The following TMEM117 variants were observed in gnomAD, a reference collection of about 807,000 sequenced individuals.
TMEM117 encodes transmembrane protein 117.
In TMEM117, 27 loss-of-function variants were observed where a neutral mutation model predicts 52.4. The observed-to-expected ratio is 0.51, with a 90% confidence interval of 0.38 to 0.71. The LOEUF is 0.71. Ranked by LOEUF, TMEM117 falls within the 30% of genes least tolerant of loss-of-function variation. TMEM117 has a pLI of 0.00. For missense variants in TMEM117, 556 were observed against 630.5 expected (o/e 0.88, Z 1.26); for synonymous variants, 215 against 206.3 (o/e 1.04, Z -0.36).
chr12:43,820,536 G>A, the TMEM117 span, among the ~76,000 whole-genome samples: 5 of 149,950 alleles, frequency 3.3e-5, no homozygotes, highest in Non-Finnish European at 7.4e-5. Flanking sequence ...GCCTCCCAAA[G>A]TGCTGGGATT....
At chr12:43,920,474 C>T (rs1944673984) in intron 2 of TMEM117, among the ~76,000 whole-genome samples, 1 of 151,512 alleles carries the variant, frequency 6.6e-6, no homozygotes, top group South Asian at 2.1e-4. Flanking sequence ...GATCACACCA[C>T]TACACTCCAG....
At chr12:44,041,101 T>C (rs542759266) in intron 3 of TMEM117, among the ~76,000 whole-genome samples, 1 of 152,302 alleles carries the variant, frequency 6.6e-6, no homozygotes, top group African/African-American at 2.4e-5. Flanking sequence ...AGTATTCTTT[T>C]TTTAAATTAT....
chr12:43,981,482 C>A (rs1294294712), intron 3 of TMEM117, among the ~76,000 whole-genome samples: 2 of 152,094 alleles, frequency 1.3e-5, no homozygotes, highest in African/African-American at 4.8e-5. Flanking sequence ...CTGTTAGAGC[C>A]ACGTAAAACT....
chr12:44,083,504 G>A (rs1947518396), intron 3 of TMEM117: 1 of 149,632 alleles, frequency 6.7e-6, no homozygotes, highest in Non-Finnish European at 1.5e-5. Context: ...TGGGCTCAAG[G>A]TATCACTCCT....
intron 6 of TMEM117, among the ~76,000 whole-genome samples, chr12:44,362,962 C>G (rs1030763302): frequency 6.6e-6 from 1 of 152,012 alleles, no homozygotes; most frequent in African/African-American, 2.4e-5. Flanking sequence ...AAGTGATTCT[C>G]CATCCTCAGC....
upstream of TMEM117, among the ~76,000 whole-genome samples, chr12:43,831,507 G>A (rs1942981987): frequency 6.6e-6 from 1 of 150,632 alleles, no homozygotes; most frequent in Non-Finnish European, 1.5e-5. Flanking sequence ...GACATGTGAG[G>A]TGAACGGAAA....
chr12:44,192,014 G>A (rs2138345156), intron 4 of TMEM117, among the ~76,000 whole-genome samples: 1 of 152,266 alleles, frequency 6.6e-6, no homozygotes, highest in South Asian at 2.1e-4. Flanking sequence ...ACCAGAGTCA[G>A]CTTTAAGCAT....
chr12:44,154,958 T>C (rs1447783764), intron 4 of TMEM117, among the ~76,000 whole-genome samples: 1 of 152,058 alleles, frequency 6.6e-6, no homozygotes, highest in African/African-American at 2.4e-5. Context: ...GAACATGTTT[T>C]CTCTGGTGTC....
At chr12:44,150,754 C>T (rs949580084) in intron 4 of TMEM117, among the ~76,000 whole-genome samples, 4 of 151,966 alleles carry the variant, frequency 2.6e-5, no homozygotes, top group Non-Finnish European at 5.9e-5. Context: ...GCAGGAGAGT[C>T]TAACTTCCTG....
At chr12:43,937,640 A>G (rs1251809901) in intron 2 of TMEM117, among the ~76,000 whole-genome samples, 1 of 152,196 alleles carries the variant, frequency 6.6e-6, no homozygotes, top group Non-Finnish European at 1.5e-5. Flanking sequence ...AGCTTAAAGA[A>G]CTGAACGGCT....
At chr12:44,263,106 G>A (rs1950339148) in intron 5 of TMEM117, among the ~76,000 whole-genome samples, 1 of 152,140 alleles carries the variant, frequency 6.6e-6, no homozygotes, top group Non-Finnish European at 1.5e-5. Context: ...ACTTTAAATA[G>A]GCTGGTGTTT....
chr12:44,255,094 T>C (rs1170479537), intron 5 of TMEM117, among the ~76,000 whole-genome samples: 3 of 152,194 alleles, frequency 2.0e-5, no homozygotes, highest in African/African-American at 7.2e-5. Context: ...GTCTTTGCTA[T>C]TGTGAATAGT....
intron 4 of TMEM117, among the ~76,000 whole-genome samples, chr12:44,164,922 G>GA (rs1204918930): frequency 9.2e-5 from 14 of 152,094 alleles, no homozygotes; most frequent in African/African-American, 3.1e-4. Flanking sequence ...TTTGTGTTGG[G>GA]AACAGCTCAA....
chr12:43,857,934 T>A (rs1943428281), intron 2 of TMEM117, among the ~76,000 whole-genome samples: 1 of 152,182 alleles, frequency 6.6e-6, no homozygotes, highest in South Asian at 2.1e-4. Context: ...GCTGATATGG[T>A]AACTATGTTG....
intron 6 of TMEM117, among the ~76,000 whole-genome samples, chr12:44,367,944 G>T (rs887715831): frequency 1.3e-5 from 2 of 152,116 alleles, no homozygotes; most frequent in Admixed American, 1.3e-4. Flanking sequence ...CTAAACTACT[G>T]CAACAGTCTC....
chr12:44,381,909 A>G (rs533725029), intron 7 of TMEM117, among the ~76,000 whole-genome samples: 5 of 152,236 alleles, frequency 3.3e-5, no homozygotes, highest in East Asian at 1.9e-4. Context: ...CTGTCTGGCA[A>G]AATTAGCAAG....
chr12:44,339,858 A>G (rs1177495722), intron 6 of TMEM117, among the ~76,000 whole-genome samples: 1 of 151,720 alleles, frequency 6.6e-6, no homozygotes, highest in Non-Finnish European at 1.5e-5. Context: ...AATATATCCA[A>G]TATACATATA....
chr12:44,172,350 C>T (rs1393315045), intron 4 of TMEM117, among the ~76,000 whole-genome samples: 1 of 152,202 alleles, frequency 6.6e-6, no homozygotes, highest in Admixed American at 6.6e-5. Flanking sequence ...TTTCTTGCCT[C>T]TTTAGCTTCT....
At chr12:44,238,250 T>G (rs1232552641) in intron 5 of TMEM117, among the ~76,000 whole-genome samples, 1 of 152,172 alleles carries the variant, frequency 6.6e-6, no homozygotes, top group African/African-American at 2.4e-5. Flanking sequence ...TGAACCAGTT[T>G]CGTGTGAAGT....
Sources: allele counts gnomAD v4.1 joint callset (sites outside exome capture counted in the v4.1 genomes callset), GRCh38; gene constraint gnomAD v4.1.1; transcripts MANE v1.5; gene names NCBI Gene and HGNC (gene_info 2026-07-23, HGNC 2026-07-21).